The following CALHM4 variants were observed in gnomAD, a reference collection of about 807,000 sequenced individuals.
CALHM4 encodes calcium homeostasis modulator family member 4.
A neutral mutation model predicts 13.3 loss-of-function variants in CALHM4; 16 were observed. The ratio of observed to expected loss-of-function variants is 1.20; its 90% CI spans 0.81 to 1.82. The LOEUF (loss-of-function observed/expected upper bound fraction) is 1.82. Ranked by LOEUF, CALHM4 falls within the 40% of genes most tolerant of loss-of-function variation. The pLI is 0.00. For missense variants in CALHM4, 344 were observed against 374.9 expected, an observed-to-expected ratio of 0.92 and a Z score of 0.68; for synonymous variants, 127 against 137.1, an observed-to-expected ratio of 0.93 and a Z score of 0.52.
At chr6:116,543,209 T>A in intron 1 of CALHM4, 2 of 872,074 alleles carry the variant, frequency 2.3e-6, no homozygotes, top group Non-Finnish European at 3.5e-6. Context: ...GAACAGCTGG[T>A]GAAATGAAGC....
At chr6:116,529,355 C>T (rs958994443) in intron 1 of CALHM4, among the ~76,000 whole-genome samples, 3 of 151,948 alleles carry the variant, frequency 2.0e-5, no homozygotes, top group Non-Finnish European at 2.9e-5. Flanking sequence ...AAGACAGTGG[C>T]GAGATATTAA....
chr6:116,545,421 A>AAGT, intron 2 of CALHM4: 1 of 1,471,546 alleles, frequency 6.8e-7, no homozygotes, highest in Non-Finnish European at 9.2e-7. Flanking sequence ...GAAATCACTC[A>AAGT]AGAAAACATT....
In CALHM4 at chr6:116,559,168, A is replaced by G. The variant is rs1157880287; in HGVS notation, c.*957A>G. On this transcript the variant is annotated 3_prime_UTR_variant, in exon 2 of 2. Coordinates refer to ENST00000368596, the MANE Select transcript of CALHM4 (RefSeq NM_001366078.2). ...TAAATGCAGCCTACAGTATCTGGACAATTTTCTAATTTATCTAGATTATTT... is the reference window on the plus strand; with the variant it reads ...TAAATGCAGCCTACAGTATCTGGACGATTTTCTAATTTATCTAGATTATTT... Among the ~76,000 whole-genome samples the G allele has an allele frequency of 1.3e-5, 2 of 152,168 alleles. No homozygotes were observed. Among genetic ancestry groups the G allele is most frequent in the African/African-American group, 4.8e-5 (2 of 41,436 alleles).
At chr6:116,546,706 C>T (rs9400933) in intron 2 of CALHM4, among the ~76,000 whole-genome samples, 85,420 of 151,948 alleles carry the variant, frequency 0.56, 25,461 homozygotes, top group East Asian at 0.89. Flanking sequence ...AGAGACGAGG[C>T]GTACCGTAAA....
intron 1 of CALHM4, among the ~76,000 whole-genome samples, chr6:116,533,563 C>T (rs1229354028): frequency 3.3e-5 from 5 of 152,318 alleles, no homozygotes; most frequent in South Asian, 2.1e-4. Flanking sequence ...AAATTTAAAA[C>T]GGCAATAGAA....
chr6:116,549,992 A>C (rs1162161877), upstream of CALHM4, among the ~76,000 whole-genome samples: 1 of 16,546 alleles, frequency 6.0e-5, no homozygotes, highest in East Asian at 6.8e-3. Flanking sequence ...ATATATATAT[A>C]TATATATATA....
At position 116,558,473 on chromosome 6, in the gene CALHM4, T is replaced by C; in HGVS notation, c.*262T>C. 1 of 385,198 alleles carries C rather than the reference T, an allele frequency of 2.6e-6. No homozygotes were observed. Among genetic ancestry groups the C allele is most frequent in the Non-Finnish European group, 4.7e-6 (1 of 214,136 alleles). 23.9% of individuals were successfully genotyped at this position (385,198 alleles called of 1,614,324 possible). A position where few individuals can be genotyped will look rare whatever the true frequency, so the allele number is the denominator to read the frequency against. ...GAAATTTGCATCTTAGTTCTGTTAC[T>C]TAGTAGCTGTGTGAAAATTAATATT... On this transcript the variant is annotated 3_prime_UTR_variant, in exon 2 of 2. Coordinates refer to ENST00000368596, the MANE Select transcript of CALHM4 (RefSeq NM_001366078.2).
rs201307125 is a variant in CALHM4, at chr6:116,532,996, TA to T, written c.-109+3809del. ...TTTCAGAACGTCAACTTGGTTAATT[TA>T]AAGCCTATGAGACCCACTGGCAGGC... On this transcript the variant is annotated intron_variant, in intron 1 of 2. Coordinates refer to the CALHM4 transcript ENST00000368597. Among the ~76,000 whole-genome samples the T allele has an allele frequency of 3.2e-4, 49 of 152,358 alleles. No homozygotes were observed. The East Asian group carries it at 9.3e-3, about 29-fold the overall frequency.
chr6:116,544,789 A>G (rs1773672667), intron 2 of CALHM4, among the ~76,000 whole-genome samples: 1 of 152,030 alleles, frequency 6.6e-6, no homozygotes, highest in African/African-American at 2.4e-5. Flanking sequence ...AATTCTAAAC[A>G]CCAAGTCTGA....
At chr6:116,543,812 T>C (rs1393638702) in exon 2 of CALHM4, 4 of 1,534,226 alleles carry the variant, frequency 2.6e-6, no homozygotes, top group Middle Eastern at 3.3e-4. Context: ...GCACAATCCC[T>C]AATGGCCCCC....
Position 116,553,819 on chromosome 6 carries a change from T to C in CALHM4, c.26T>C (p.Val9Ala). ...ATGTGCCCAACTCTCAACAATATTGTGTCTTCTCTGCAGAGAAATGGAATA... is the reference window on the plus strand; with the variant it reads ...ATGTGCCCAACTCTCAACAATATTGCGTCTTCTCTGCAGAGAAATGGAATA... MCPTLNNI[V>A]SSLQRNGIFI... is the part of the protein sequence containing the mutation. The change falls in exon 1 of 2, where the codon GTG becomes GCG. Residue 9 changes from valine (V) to alanine (A), a missense_variant. Val to Ala is a moderately conservative substitution (Grantham distance 64). Transcript: ENST00000368596. 1 of 1,550,556 alleles carries C rather than the reference T, an allele frequency of 6.4e-7. No homozygotes were observed. The highest frequency in any genetic ancestry group is 8.7e-7 in the Non-Finnish European group (1 of 1,146,960).
intron 1 of CALHM4, among the ~76,000 whole-genome samples, chr6:116,540,956 A>G (rs1057093035): frequency 5.3e-5 from 8 of 152,128 alleles, no homozygotes; most frequent in African/African-American, 1.4e-4. Flanking sequence ...AGCAGAAAAA[A>G]TTTTTGTTGC....
At chr6:116,545,106 C>CAT (rs71707029) in intron 2 of CALHM4, among the ~76,000 whole-genome samples, 50 of 150,410 alleles carry the variant, frequency 3.3e-4, no homozygotes, top group African/African-American at 9.3e-4. Context: ...TATATACACA[C>CAT]ATATATATAT....
rs1031326633 is a variant in CALHM4 at position 116,558,277 on chromosome 6, G to A, written c.*66G>A. 3 of 1,473,040 alleles carry A rather than the reference G, an allele frequency of 2.0e-6. No individual in the cohort carries two copies. Among genetic ancestry groups the A allele is most frequent in the Admixed American group, 4.3e-5 (2 of 46,802 alleles). The allele number at this position is 1,473,040 out of a possible 1,614,324, so 91.2% of individuals were successfully genotyped here. On this transcript the variant is annotated 3_prime_UTR_variant, in exon 2 of 2. Coordinates refer to ENST00000368596, the MANE Select transcript of CALHM4 (RefSeq NM_001366078.2). ...TGGCTTTTATGGCTTTTATGATCAGGCCATTTCAATGTAATCTCTTCATCT... is the reference window on the plus strand; with the variant it reads ...TGGCTTTTATGGCTTTTATGATCAGACCATTTCAATGTAATCTCTTCATCT...
intron 1 of CALHM4, among the ~76,000 whole-genome samples, chr6:116,533,091 T>A (rs1160924761): frequency 1.3e-5 from 2 of 152,182 alleles, no homozygotes; most frequent in Admixed American, 6.5e-5. Context: ...CCATTTATCC[T>A]TGCATATCAC....
At chr6:116,543,165 G>T in intron 1 of CALHM4, 1 of 580,344 alleles carries the variant, frequency 1.7e-6, no homozygotes, top group Non-Finnish European at 2.8e-6. Flanking sequence ...AAGAAATTAT[G>T]TTCAGCTTTC....
intron 1 of CALHM4, among the ~76,000 whole-genome samples, chr6:116,537,461 A>G (rs1773171331): frequency 6.6e-6 from 1 of 152,174 alleles, no homozygotes; most frequent in East Asian, 1.9e-4. Context: ...TAATTTCTAA[A>G]TGGGGAACAT....
At chr6:116,540,995 T>G (rs1773415763) in intron 1 of CALHM4, among the ~76,000 whole-genome samples, 2 of 152,130 alleles carry the variant, frequency 1.3e-5, no homozygotes, top group Non-Finnish European at 2.9e-5. Context: ...CTTCAGACTC[T>G]GAAGTTTACT....
Position 116,543,329 on chromosome 6 carries a change from T to C in CALHM4, c.-108-436T>C, listed in dbSNP as rs1434293357. On this transcript the variant is annotated intron_variant, in intron 1 of 2. Transcript: ENST00000368597. ...TTTTATCTAAATATTGGTTCACATC[T>C]TCATCCTTCTCATAATCCTTACACA... is the stretch of plus-strand genomic sequence containing the variant. The C allele has an allele frequency of 1.9e-6, 3 of 1,549,598 alleles. No individual in the cohort carries two copies. The Admixed American group carries it at 5.9e-5, about 30-fold the overall frequency.
Sources: allele counts gnomAD v4.1 joint callset (sites outside exome capture counted in the v4.1 genomes callset), GRCh38; gene constraint gnomAD v4.1.1; transcripts MANE v1.5; gene names NCBI Gene and HGNC (gene_info 2026-07-23, HGNC 2026-07-21).